SLAIN2: variants seen among roughly 807,000 people sequenced by gnomAD.
SLAIN2 encodes SLAIN motif-containing protein 2.
Under a neutral mutation model 56.6 loss-of-function variants are expected in SLAIN2, and 31 were observed. That is an observed-to-expected ratio of 0.55 (90% confidence interval 0.41 to 0.74). The LOEUF (loss-of-function observed/expected upper bound fraction) is 0.74. SLAIN2 is among the 30% of genes least tolerant of loss of function. The pLI, the probability that SLAIN2 is intolerant of heterozygous loss-of-function variation, is 0.00. For synonymous variants in SLAIN2, 317 were observed against 284.9 expected (o/e 1.11, Z -1.13); for missense variants, 777 against 754.2 (o/e 1.03, Z -0.35).
chr4:48,343,403 C>T (rs1356670872), intron 1 of SLAIN2, among the ~76,000 whole-genome samples: 2 of 152,210 alleles, frequency 1.3e-5, no homozygotes, highest in East Asian at 1.9e-4. Flanking sequence ...ACTCTTAAGC[C>T]TAGTTACTTA....
At chr4:48,400,942 C>T (rs1350730246) in intron 6 of SLAIN2, among the ~76,000 whole-genome samples, 2 of 152,078 alleles carry the variant, frequency 1.3e-5, no homozygotes, top group African/African-American at 4.8e-5. Context: ...CCGTAAATTT[C>T]CCTCTTAACA....
chr4:48,363,836 G>C (rs1474514453), intron 1 of SLAIN2, among the ~76,000 whole-genome samples: 2 of 139,890 alleles, frequency 1.4e-5, no homozygotes, highest in East Asian at 2.2e-4. Context: ...GTGGCTGGCC[G>C]GGCTGAGGGG....
rs1406283718 is a variant in SLAIN2 at position 48,341,626 on chromosome 4, A to G, written c.-114A>G. On this transcript the variant is annotated 5_prime_UTR_variant, in exon 1 of 8. Coordinates refer to ENST00000264313, the MANE Select transcript of SLAIN2 (RefSeq NM_020846.2). ...CCTGGCGGTGGGGCCTGGTCCTGCTATATGCCGGCGCCTCGGCTAGAGTGA... is the reference window on the plus strand; with the variant it reads ...CCTGGCGGTGGGGCCTGGTCCTGCTGTATGCCGGCGCCTCGGCTAGAGTGA... The G allele has an allele frequency of 2.1e-6, 3 of 1,431,064 alleles. No homozygotes were observed. Among genetic ancestry groups the G allele is most frequent in the Admixed American group, 2.7e-5 (1 of 36,514 alleles). The allele number at this position is 1,431,064 out of a possible 1,614,324, so 88.6% of individuals were successfully genotyped here.
chr4:48,354,273 CTG>C (rs899382319), intron 1 of SLAIN2, among the ~76,000 whole-genome samples: 4 of 152,136 alleles, frequency 2.6e-5, no homozygotes, highest in East Asian at 1.9e-4. Context: ...TTTTTACACT[CTG>C]TGCATTTTCA....
chr4:48,402,764 C>A (rs2109778180), intron 6 of SLAIN2, among the ~76,000 whole-genome samples: 1 of 152,264 alleles, frequency 6.6e-6, no homozygotes, highest in South Asian at 2.1e-4. Flanking sequence ...TGTGCCCTTG[C>A]CGGAGAGATG....
intron 6 of SLAIN2, among the ~76,000 whole-genome samples, chr4:48,402,118 A>G (rs1437073295): frequency 2.0e-5 from 3 of 151,748 alleles, no homozygotes; most frequent in Non-Finnish European, 4.4e-5. Flanking sequence ...CTGGCTTTGT[A>G]GTGTTTATGC....
At chr4:48,383,877 G>A (rs1307254454) in intron 6 of SLAIN2, 93 bp downstream of exon 6, 3 of 1,376,328 alleles carry the variant, frequency 2.2e-6, no homozygotes, top group Admixed American at 4.5e-5. Flanking sequence ...CGTTTTTTAT[G>A]CTGAAAAACC....
At chr4:48,386,470 A>G (rs1297830099) in intron 6 of SLAIN2, among the ~76,000 whole-genome samples, 1 of 152,224 alleles carries the variant, frequency 6.6e-6, no homozygotes, top group African/African-American at 2.4e-5. Flanking sequence ...ACCATGATAT[A>G]AAACTTATCC....
intron 6 of SLAIN2, among the ~76,000 whole-genome samples, chr4:48,403,971 G>A (rs1055897453): frequency 5.3e-5 from 8 of 152,164 alleles, no homozygotes; most frequent in Non-Finnish European, 1.0e-4. Flanking sequence ...TCAGGGCAGG[G>A]TTGCACAATC....
rs946031860 is a variant in SLAIN2, at chr4:48,342,235, C to T, written c.389+107C>T. 3.4e-5 allele frequency: 43 copies of T among 1,277,216 alleles called. No individual in the cohort carries two copies. The African/African-American group carries it at 6.0e-4, about 18-fold the overall frequency. The allele number at this position is 1,277,216 out of a possible 1,614,324, so 79.1% of individuals were successfully genotyped here. The stretch of plus-strand genomic sequence containing the variant: ...GCGCCTCGCTTTGTGTAGCCGGGTC[C>T]GCTCTCCTGTGGCGACTTGTGGTTT... On this transcript the variant is annotated intron_variant, in intron 1 of 7. Transcript: ENST00000264313.
At chr4:48,417,978 A>G (rs1344102792) in intron 6 of SLAIN2, among the ~76,000 whole-genome samples, 1 of 152,054 alleles carries the variant, frequency 6.6e-6, no homozygotes, top group Admixed American at 6.5e-5. Flanking sequence ...GAATTCACTT[A>G]TTATTTCTAG....
intron 4 of SLAIN2, among the ~76,000 whole-genome samples, chr4:48,380,123 A>T (rs1295221839): frequency 6.6e-6 from 1 of 151,998 alleles, no homozygotes; most frequent in Admixed American, 6.6e-5. Flanking sequence ...CCTGCATGTT[A>T]CTCTGCACTA....
At chr4:48,408,421 C>T (rs1383214704) in intron 6 of SLAIN2, among the ~76,000 whole-genome samples, 1 of 148,682 alleles carries the variant, frequency 6.7e-6, no homozygotes, top group Non-Finnish European at 1.5e-5. Context: ...CACCTAGTAA[C>T]ATCATAGACC....
chr4:48,379,720 C>T lies in SLAIN2; in HGVS notation c.734C>T (p.Pro245Leu). Residue 245 changes from proline (P) to leucine (L), a missense_variant, in exon 4 of 8, where the codon CCA becomes CTA. Pro to Leu is a moderately conservative substitution (Grantham distance 98). Transcript: ENST00000264313. ...GNLKSSDRNP[P>L]LSPQSSIDSE... The stretch of plus-strand genomic sequence containing the variant: ...TTGAAAAGCTCAGACAGAAATCCTC[C>T]ACTCAGTCCTCAGTCCTCTATAGAT... The T allele has an allele frequency of 6.8e-7, 1 of 1,471,428 alleles. No homozygotes were observed. The highest frequency in any genetic ancestry group is 9.0e-7 in the Non-Finnish European group (1 of 1,112,460). The allele number at this position is 1,471,428 out of a possible 1,614,324, so 91.1% of individuals were successfully genotyped here.
At chr4:48,355,302 A>G (rs1715129453) in intron 1 of SLAIN2, among the ~76,000 whole-genome samples, 1 of 152,232 alleles carries the variant, frequency 6.6e-6, no homozygotes, top group African/African-American at 2.4e-5. Flanking sequence ...GTGAGGAGGC[A>G]TAAGGGATGA....
rs375571223 is a variant in SLAIN2 at position 48,422,100 on chromosome 4, A to G, written c.*23A>G. On this transcript the variant is annotated 3_prime_UTR_variant, in exon 8 of 8. Transcript: ENST00000264313. ...TGACCAGCAAAGACAAGAATGCAGA[A>G]GTCCACGGCTTCATGGATACCCTTC... 3 of 1,596,306 alleles carry G rather than the reference A, an allele frequency of 1.9e-6. No individual in the cohort carries two copies. The African/African-American group carries it at 4.0e-5, about 21-fold the overall frequency.
At chr4:48,357,239 A>T (rs1560450748) in intron 1 of SLAIN2, among the ~76,000 whole-genome samples, 1 of 152,082 alleles carries the variant, frequency 6.6e-6, no homozygotes, top group Admixed American at 6.6e-5. Flanking sequence ...ATTTGAACTG[A>T]ATATGTTTTT....
At chr4:48,346,866 G>T (rs1714881426) in intron 1 of SLAIN2, among the ~76,000 whole-genome samples, 1 of 141,900 alleles carries the variant, frequency 7.0e-6, no homozygotes, top group Non-Finnish European at 1.5e-5. Flanking sequence ...AAGAGACAGG[G>T]TCTTCCCATG....
At chr4:48,401,591 A>T (rs1716558592) in intron 6 of SLAIN2, among the ~76,000 whole-genome samples, 1 of 152,094 alleles carries the variant, frequency 6.6e-6, no homozygotes, top group Non-Finnish European at 1.5e-5. Context: ...AGAAAGTAGG[A>T]TTGCAACCCC....
Sources: gnomAD v4.1 joint callset for allele counts (sites outside exome capture counted in the v4.1 genomes callset) on GRCh38, gnomAD v4.1.1 for gene constraint, MANE v1.5 for transcripts, NCBI Gene and HGNC (gene_info 2026-07-23, HGNC 2026-07-21) for gene names.